Variants in OSBPL1A observed in about 807,000 individuals in gnomAD.
OSBPL1A encodes the protein oxysterol-binding protein-related protein 1.
Under a neutral mutation model 137.1 loss-of-function variants are expected in OSBPL1A, and 80 were observed. That is an observed-to-expected ratio of 0.58 (90% confidence interval 0.49 to 0.70). OSBPL1A has a LOEUF of 0.70. Among genes scored for constraint, OSBPL1A ranks in the 30% least tolerant of loss-of-function variants. The pLI is 0.00. For missense variants in OSBPL1A, 970 were observed against 1,129.4 expected (o/e 0.86, Z 2.02); for synonymous variants, 365 against 389.7 (o/e 0.94, Z 0.75).
intron 18 of OSBPL1A, among the ~76,000 whole-genome samples, chr18:24,182,644 A>G (rs2086637202): frequency 6.6e-6 from 1 of 152,242 alleles, no homozygotes; most frequent in Admixed American, 6.5e-5. Context: ...ATACTGCAGA[A>G]AACAGACATG....
chr18:24,245,138 C>T (rs555135891), intron 15 of OSBPL1A, among the ~76,000 whole-genome samples: 9 of 152,124 alleles, frequency 5.9e-5, no homozygotes, highest in East Asian at 1.9e-4. Context: ...CTGTCAACCA[C>T]GCTGGAGTGC....
Position 24,307,884 on chromosome 18 carries a change from G to A in OSBPL1A, c.1092+4100C>T, listed in dbSNP as rs371596687. ...AGCTCACTGCAGCCTCCGCCTCGCAGGTTCAAGTGATTCTCGTGCCTCAGG... is the reference window on the plus strand; with the variant it reads ...AGCTCACTGCAGCCTCCGCCTCGCAAGTTCAAGTGATTCTCGTGCCTCAGG... On this transcript the variant is annotated intron_variant, in intron 13 of 27. Transcript: ENST00000319481. Among the ~76,000 whole-genome samples the A allele has an allele frequency of 1.1e-4, 16 of 151,086 alleles. No homozygotes were observed. The South Asian group carries it at 2.9e-3, about 28-fold the overall frequency.
At chr18:24,259,284 G>A (rs1039593240) in intron 15 of OSBPL1A, among the ~76,000 whole-genome samples, 1 of 152,100 alleles carries the variant, frequency 6.6e-6, no homozygotes, top group Non-Finnish European at 1.5e-5. Flanking sequence ...TCCCTGGAAC[G>A]TGCTCTACTT....
intron 17 of OSBPL1A, among the ~76,000 whole-genome samples, chr18:24,203,384 C>T (rs2087273746): frequency 6.6e-6 from 1 of 152,206 alleles, no homozygotes; most frequent in East Asian, 1.9e-4. Context: ...GTGCTCCTTT[C>T]CACACCCCCT....
intron 14 of OSBPL1A, among the ~76,000 whole-genome samples, chr18:24,286,378 T>C (rs2090067313): frequency 6.6e-6 from 1 of 152,178 alleles, no homozygotes; most frequent in African/African-American, 2.4e-5. Flanking sequence ...CAAATTAAAA[T>C]GACTACCTTG....
At chr18:24,197,972 G>C (rs2087087285) in intron 17 of OSBPL1A, among the ~76,000 whole-genome samples, 1 of 151,820 alleles carries the variant, frequency 6.6e-6, no homozygotes, top group Non-Finnish European at 1.5e-5. Flanking sequence ...ATTTTTAGTA[G>C]AGACGGGGTT....
intron 15 of OSBPL1A, among the ~76,000 whole-genome samples, chr18:24,274,447 A>G (rs2089798064): frequency 6.6e-6 from 1 of 152,158 alleles, no homozygotes; most frequent in Admixed American, 6.5e-5. Context: ...GATATATTAG[A>G]TCAGAACTCA....
chr18:24,250,170 G>GTTTT (rs1567975444), intron 15 of OSBPL1A, among the ~76,000 whole-genome samples: 4 of 51,144 alleles, frequency 7.8e-5, no homozygotes, highest in Non-Finnish European at 1.7e-4. Context: ...TTGTTTGTTT[G>GTTTT]TTTGTTTGTT....
chr18:24,272,036 G>T (rs2089735622), intron 15 of OSBPL1A: 1 of 982,058 alleles, frequency 1.0e-6, no homozygotes, highest in Non-Finnish European at 1.2e-6. Flanking sequence ...GGCGGGCAGC[G>T]TCCGGGCCGC....
intron 14 of OSBPL1A, among the ~76,000 whole-genome samples, chr18:24,283,315 C>T (rs1258002936): frequency 7.2e-5 from 9 of 125,072 alleles, no homozygotes; most frequent in Non-Finnish European, 1.0e-4. Context: ...TATATATATA[C>T]ACACACACAC....
At chr18:24,385,092 C>A (rs1307150775) in intron 1 of OSBPL1A, among the ~76,000 whole-genome samples, 2 of 151,434 alleles carry the variant, frequency 1.3e-5, no homozygotes, top group African/African-American at 4.8e-5. Flanking sequence ...GTAGCTGGGA[C>A]TACAGGCGCC....
chr18:24,178,222 A>C (rs757050802), intron 20 of OSBPL1A, 27 bp from the exon 21 acceptor site: 1 of 1,360,476 alleles, frequency 7.4e-7, no homozygotes, highest in South Asian at 1.5e-5. Context: ...AAAAAAAAAG[A>C]AAAAAAAAAG....
chr18:24,235,838 A>T (rs778765097), intron 16 of OSBPL1A, among the ~76,000 whole-genome samples: 1 of 152,186 alleles, frequency 6.6e-6, no homozygotes, highest in Non-Finnish European at 1.5e-5. Flanking sequence ...AATAAAAGGG[A>T]CTTTGCAGAT....
chr18:24,311,396 TA>T, intron 13 of OSBPL1A: 1 of 866,192 alleles, frequency 1.2e-6, no homozygotes, highest in Non-Finnish European at 1.4e-6. Context: ...AAGATGGAAA[TA>T]AAAGGTACAG....
At chr18:24,396,221 A>AT (rs1412852884) in intron 1 of OSBPL1A, among the ~76,000 whole-genome samples, 6 of 107,436 alleles carry the variant, frequency 5.6e-5, no homozygotes, top group Admixed American at 3.1e-4. Context: ...CTCTGTCTCA[A>AT]TTTAAAAAAA....
At position 24,279,250 on chromosome 18, in the gene OSBPL1A, T is replaced by TAAAA. The variant is rs565359517; in HGVS notation, c.1281+1588_1281+1591dup. Among the ~76,000 whole-genome samples the TAAAA allele has an allele frequency of 4.8e-5, 6 of 125,386 alleles. No individual in the cohort carries two copies. The East Asian group carries it at 1.4e-3, about 29-fold the overall frequency. 82.3% of individuals were successfully genotyped at this position (125,386 alleles called of 152,430 possible). On this transcript the variant is annotated intron_variant, in intron 15 of 27. Transcript: ENST00000319481. ...GGCAACATACAAAGGCCCATTTCTT[T>TAAAA]AAAAAAAAAAAAAAAAAAAAAATCA...
At chr18:24,380,637 G>A (rs565671424) in intron 1 of OSBPL1A, among the ~76,000 whole-genome samples, 8 of 152,326 alleles carry the variant, frequency 5.3e-5, no homozygotes, top group African/African-American at 1.4e-4. Context: ...ACAAGGCCTC[G>A]CTCAGTAGCT....
At chr18:24,293,056 G>C (rs1328231555) in intron 14 of OSBPL1A, among the ~76,000 whole-genome samples, 1 of 129,440 alleles carries the variant, frequency 7.7e-6, no homozygotes, top group Non-Finnish European at 1.5e-5. Context: ...AGTGAGCCAA[G>C]ATCGCACCAC....
chr18:24,296,646 T>C (rs530652199), intron 14 of OSBPL1A, among the ~76,000 whole-genome samples: 46 of 152,330 alleles, frequency 3.0e-4, no homozygotes, highest in Middle Eastern at 3.4e-3. Context: ...GGGTTTGTCA[T>C]ATATGGCTTT....
Sources: allele counts gnomAD v4.1 joint callset (sites outside exome capture counted in the v4.1 genomes callset), GRCh38; gene constraint gnomAD v4.1.1; transcripts MANE v1.5; gene names NCBI Gene and HGNC (gene_info 2026-07-23, HGNC 2026-07-21).